Variants in UNC45A observed in about 807,000 individuals in gnomAD.
The protein encoded by UNC45A is unc-45 myosin chaperone A.
A neutral mutation model predicts 103.2 loss-of-function variants in UNC45A; 78 were observed. The observed-to-expected ratio is 0.76, with a 90% CI of 0.63 to 0.91. UNC45A has a LOEUF of 0.91. Ranked by LOEUF, UNC45A falls within the 40% of genes least tolerant of loss-of-function variation. UNC45A has a pLI of 0.00. For synonymous variants in UNC45A, 495 were observed against 504.6 expected, an observed-to-expected ratio of 0.98 and a Z score of 0.25; for missense variants, 1,193 against 1,224.8, an observed-to-expected ratio of 0.97 and a Z score of 0.39.
intron 17 of UNC45A, among the ~76,000 whole-genome samples, chr15:90,951,369 C>T (rs933923790): frequency 3.3e-5 from 5 of 152,198 alleles, no homozygotes; most frequent in African/African-American, 9.7e-5. Context: ...AGCCCGTTTC[C>T]TATTCTGCAA....
At chr15:90,931,228 G>A (rs1250393905), upstream of UNC45A, 1 of 1,546,950 alleles carries the variant, frequency 6.5e-7, no homozygotes, top group East Asian at 2.4e-5. Context: ...ATCCTGTCCG[G>A]CCTGAACGAG....
At position 90,949,658 on chromosome 15, in the gene UNC45A, T is replaced by G; in HGVS notation, c.2011T>G (p.Phe671Val). ...SSCRELLSRV[F>V]LALVEEVEDR... is the part of the protein sequence containing the mutation. ...ACCACCGCCTTCTCCCCACAGGGTC[T>G]TCTTGGCTTTAGTGGAAGAGGTAGA... is the stretch of plus-strand genomic sequence containing the variant. Residue 671 changes from phenylalanine (F) to valine (V), a missense_variant, in exon 15 of 20, where the codon TTC becomes GTC. By Grantham distance (50) the Phe-to-Val change is conservative (BLOSUM62 -1). Transcript: ENST00000418476. The G allele has an allele frequency of 6.2e-7, 1 of 1,614,128 alleles. No homozygotes were observed. The highest frequency in any genetic ancestry group is 8.5e-7 in the Non-Finnish European group (1 of 1,180,002).
At chr15:90,938,345 C>T (rs776081053) in intron 4 of UNC45A, among the ~76,000 whole-genome samples, 18 of 152,050 alleles carry the variant, frequency 1.2e-4, no homozygotes, top group Non-Finnish European at 2.4e-4. Context: ...GATAATTTGA[C>T]GTTAAAATGC....
At chr15:90,944,271 C>T (rs1057254005) in intron 8 of UNC45A, among the ~76,000 whole-genome samples, 2 of 152,004 alleles carry the variant, frequency 1.3e-5, no homozygotes. Flanking sequence ...CCTGTAATCC[C>T]AGCTATTCTG....
At position 90,953,563 on chromosome 15, in the gene UNC45A, G is replaced by A. The variant is rs370879635; in HGVS notation, c.2682G>A (p.Arg894=). ...VVVLNMVEAS[R]EIASTLMESE... is the part of the protein sequence containing the mutation. ...TGCTGAACATGGTGGAGGCCTCGAG[G>A]GAGATTGCCAGCACCCTGATGGAGA... Residue 894 remains arginine, a synonymous_variant, in exon 20 of 20, where the codon AGG becomes AGA. Coordinates refer to ENST00000418476, the MANE Select transcript of UNC45A (RefSeq NM_018671.5). 5 of 1,614,066 alleles carry A rather than the reference G, an allele frequency of 3.1e-6. No homozygotes were observed. In the African/African-American group the frequency reaches 5.3e-5, roughly 17 times the overall value.
At chr15:90,930,968 A>G (rs1430790682), upstream of UNC45A, 6 of 355,068 alleles carry the variant, frequency 1.7e-5, no homozygotes, top group Non-Finnish European at 3.2e-5. Context: ...GTTAGGAACT[A>G]GTACTTAAAT....
upstream of UNC45A, chr15:90,932,623 G>T: frequency 1.2e-6 from 1 of 842,374 alleles, no homozygotes; most frequent in South Asian, 5.0e-5. Flanking sequence ...GAGGCCCGGG[G>T]ATCGTGGAGG....
chr15:90,935,872 A>G lies in UNC45A; in HGVS notation c.214-74A>G, dbSNP rs1596207792. The G allele has an allele frequency of 2.5e-6, 4 of 1,607,320 alleles. No individual in the cohort carries two copies. In the East Asian group the frequency reaches 8.9e-5, roughly 36 times the overall value. On this transcript the variant is annotated intron_variant, in intron 2 of 19. Transcript: ENST00000418476. ...GGATCGGGTGACCTTGGAGAGCGAG[A>G]GTACCCCTGCTGCCTGGTTAGTGCC...
Position 90,935,334 on chromosome 15 carries a change from A to G in UNC45A, c.10A>G (p.Ser4Gly). 1.2e-6 allele frequency: 2 copies of G among 1,604,552 alleles called. No individual in the cohort carries two copies. Among genetic ancestry groups the G allele is most frequent in the Non-Finnish European group, 1.7e-6 (2 of 1,176,980 alleles). The change falls in exon 1 of 20, where the codon AGT becomes GGT. Residue 4 changes from serine (S) to glycine (G), a missense_variant. Transcript: ENST00000418476. ...AGACAACCTCTCCGCGATGACTGTGAGTGGTCCAGGGACCCCCGAGCCCCG... is the reference window on the plus strand; with the variant it reads ...AGACAACCTCTCCGCGATGACTGTGGGTGGTCCAGGGACCCCCGAGCCCCG... MTVSGPGTPEPRPA... is the reference protein window; with the variant it reads MTVGGPGTPEPRPA...
At chr15:90,941,481 C>G (rs1350903061) in intron 6 of UNC45A, among the ~76,000 whole-genome samples, 1 of 152,176 alleles carries the variant, frequency 6.6e-6, no homozygotes, top group African/African-American at 2.4e-5. Flanking sequence ...TTAGGCTAAG[C>G]TTGGGCTGCA....
chr15:90,950,532 G>T lies in UNC45A; in HGVS notation c.2220G>T (p.Leu740=). Residue 740 remains leucine (L), a synonymous_variant, in exon 17 of 20, where the codon CTG becomes CTT. Transcript: ENST00000418476. ...IYEVVRPLVS[L]LHLNCSGLQN... is the part of the protein sequence containing the mutation. ...AGGTGGTCCGGCCCCTCGTCTCCCTGTTGCACCTCAACTGCTCAGGCCTGC... is the reference window on the plus strand; with the variant it reads ...AGGTGGTCCGGCCCCTCGTCTCCCTTTTGCACCTCAACTGCTCAGGCCTGC... 1 of 1,614,134 alleles carries T rather than the reference G, an allele frequency of 6.2e-7. No homozygotes were observed. Among genetic ancestry groups the T allele is most frequent in the South Asian group, 1.1e-5 (1 of 91,088 alleles).
chr15:90,934,358 C>T (rs998635406), upstream of UNC45A: 5 of 399,066 alleles, frequency 1.3e-5, no homozygotes, highest in Admixed American at 2.2e-4. Context: ...ACCACCCTCA[C>T]TTGTGCCAGA....
chr15:90,936,189 C>A (rs773228435), intron 3 of UNC45A, 96 bp from the exon 4 acceptor site: 130 of 1,535,394 alleles, frequency 8.5e-5, no homozygotes, highest in East Asian at 1.6e-4. Context: ...TCGTCCCCCC[C>A]ACCTTCTTCT....
In UNC45A at chr15:90,947,744, C is replaced by T. The variant is rs1411234803; in HGVS notation, c.1501-52C>T. On this transcript the variant is annotated intron_variant, in intron 10 of 19. Transcript: ENST00000418476. Reference sequence around the variant, plus strand: ...AGTCCAAGCCAGGTGTGGAGGAGCTCAGCTCCTGCCTCCTTCCCCAGAGGC... The same window carrying T: ...AGTCCAAGCCAGGTGTGGAGGAGCTTAGCTCCTGCCTCCTTCCCCAGAGGC... The T allele has an allele frequency of 2.1e-6, 3 of 1,399,406 alleles. No homozygotes were observed. The East Asian group carries it at 6.9e-5, about 32-fold the overall frequency. 86.7% of individuals were successfully genotyped at this position (1,399,406 alleles called of 1,614,324 possible). A position where few individuals can be genotyped will look rare whatever the true frequency, so the allele number is the denominator to read the frequency against.
In UNC45A at chr15:90,942,647, A is replaced by T. The variant is rs867364625; in HGVS notation, c.856+42A>T. On this transcript the variant is annotated intron_variant, in intron 7 of 19. Coordinates refer to ENST00000418476, the MANE Select transcript of UNC45A (RefSeq NM_018671.5). Reference sequence around the variant, plus strand: ...CTGGGGTCTTTTGGACGTTACTGTCATGGAAGGGATGGGGCTGAGCCAGCC... The same window carrying T: ...CTGGGGTCTTTTGGACGTTACTGTCTTGGAAGGGATGGGGCTGAGCCAGCC... 7.4e-6 allele frequency: 12 copies of T among 1,613,280 alleles called. No homozygotes were observed. The Middle Eastern group carries it at 4.9e-4, about 66-fold the overall frequency.
At chr15:90,932,443 AT>A (rs1162650888), upstream of UNC45A, 1 of 1,360,088 alleles carries the variant, frequency 7.4e-7, no homozygotes, top group Non-Finnish European at 9.4e-7. Context: ...GGGGTGGTTG[AT>A]GTAGGGGGTC....
At chr15:90,939,867 C>T in intron 5 of UNC45A, 44 bp downstream of exon 5, 2 of 1,585,306 alleles carry the variant, frequency 1.3e-6, no homozygotes, top group South Asian at 1.1e-5. Context: ...CCCACTAGAG[C>T]CACCCATCCA....
intron 7 of UNC45A, 142 bp from the exon 8 acceptor site, chr15:90,942,770 T>C: frequency 6.7e-7 from 1 of 1,486,734 alleles, no homozygotes; most frequent in Non-Finnish European, 9.2e-7. Context: ...CCAAGGTGCC[T>C]CAGGACAAAG....
chr15:90,950,756 G>A lies in UNC45A; in HGVS notation c.2303+141G>A, dbSNP rs969332149. ...GTGACTGCTCCGCATCATTAGAGAG[G>A]AGGCGACAGGCCAAGAGGCAGCACG... On this transcript the variant is annotated intron_variant, in intron 17 of 19. Transcript: ENST00000418476. 10 of 843,444 alleles carry A rather than the reference G, an allele frequency of 1.2e-5. No individual in the cohort carries two copies. The African/African-American group carries it at 1.2e-4, about 10-fold the overall frequency. The allele number at this position is 843,444 out of a possible 1,614,324, so 52.2% of individuals were successfully genotyped here. A position where few individuals can be genotyped will look rare whatever the true frequency, so the allele number is the denominator to read the frequency against.
Sources: gnomAD v4.1 joint callset for allele counts (sites outside exome capture counted in the v4.1 genomes callset) on GRCh38, gnomAD v4.1.1 for gene constraint, MANE v1.5 for transcripts, NCBI Gene and HGNC (gene_info 2026-07-23, HGNC 2026-07-21) for gene names.